Variants in UBR3 observed in about 807,000 individuals in gnomAD.
The protein encoded by UBR3 is ubiquitin protein ligase E3 component n-recognin 3.
Under a neutral mutation model 243.2 loss-of-function variants are expected in UBR3, and 85 were observed. The ratio of observed to expected loss-of-function variants is 0.35; its 90% CI spans 0.29 to 0.42. The LOEUF (loss-of-function observed/expected upper bound fraction) is 0.42, where lower values mean the gene tolerates loss of function less well. Ranked by LOEUF, UBR3 falls within the 10% of genes least tolerant of loss-of-function variation. The pLI is 1.00. For missense variants in UBR3, 1,686 were observed against 2,300.8 expected (o/e 0.73, Z 5.47); for synonymous variants, 748 against 799.8 (o/e 0.94, Z 1.09).
intron 35 of UBR3, among the ~76,000 whole-genome samples, chr2:170,067,485 G>T (rs1270922195): frequency 6.6e-6 from 1 of 152,066 alleles, no homozygotes; most frequent in African/African-American, 2.4e-5. Flanking sequence ...TAGGATAAAA[G>T]AGACCTGAAC....
intron 31 of UBR3, among the ~76,000 whole-genome samples, chr2:170,033,184 G>C (rs1283081151): frequency 6.6e-6 from 1 of 151,972 alleles, no homozygotes; most frequent in Non-Finnish European, 1.5e-5. Context: ...TACAGACATA[G>C]ATATTATGCT....
chr2:169,932,400 T>G (rs1477686203), intron 18 of UBR3, among the ~76,000 whole-genome samples: 1 of 152,078 alleles, frequency 6.6e-6, no homozygotes, highest in Non-Finnish European at 1.5e-5. Flanking sequence ...AAATCTAGTT[T>G]TCATGTTTTT....
chr2:169,969,937 CTT>C (rs34413545), intron 24 of UBR3, among the ~76,000 whole-genome samples: 26,535 of 90,390 alleles, frequency 0.29, 3,060 homozygotes, highest in African/African-American at 0.35. Context: ...ATGCCTCCAG[CTT>C]TTTTTTTTTT....
chr2:170,023,432 C>T (rs1188616305), intron 30 of UBR3, among the ~76,000 whole-genome samples: 9 of 149,872 alleles, frequency 6.0e-5, no homozygotes, highest in East Asian at 3.9e-4. Flanking sequence ...TTTTTTGAGA[C>T]GGAGTCTCAC....
At chr2:169,866,076 G>A (rs1224131065) in intron 1 of UBR3, among the ~76,000 whole-genome samples, 5 of 148,602 alleles carry the variant, frequency 3.4e-5, no homozygotes, top group African/African-American at 1.2e-4. Context: ...GCTTGAACCC[G>A]GGAGGCGGAG....
At chr2:169,875,748 A>G (rs2083583188) in intron 2 of UBR3, 43 bp from the exon 3 acceptor site, 5 of 1,446,998 alleles carry the variant, frequency 3.5e-6, no homozygotes, top group Middle Eastern at 2.0e-4. Context: ...GATATTTTAA[A>G]CAAAATTACC....
At chr2:169,865,560 A>G (rs17554191) in intron 1 of UBR3, among the ~76,000 whole-genome samples, 17,369 of 152,106 alleles carry the variant, frequency 0.11, 1,219 homozygotes, top group Admixed American at 0.19. Flanking sequence ...ACTCTGTTCA[A>G]ATTTTTCTTT....
chr2:169,918,307 C>CTTT (rs35089044), intron 11 of UBR3, among the ~76,000 whole-genome samples: 21,218 of 141,512 alleles, frequency 0.15, 2,041 homozygotes, highest in Non-Finnish European at 0.22. Context: ...TATATTTTTA[C>CTTT]TTTTTTTTTT....
intron 30 of UBR3, among the ~76,000 whole-genome samples, chr2:170,025,744 A>G (rs2090511685): frequency 6.6e-6 from 1 of 152,186 alleles, no homozygotes; most frequent in Admixed American, 6.6e-5. Flanking sequence ...TAAGAGGCAG[A>G]ACCAATGGGA....
rs572590738 is a variant in UBR3, at chr2:170,080,549, C to G, written c.5414C>G (p.Ser1805Cys). 1.2e-6 allele frequency: 2 copies of G among 1,609,630 alleles called. No homozygotes were observed. Among genetic ancestry groups the G allele is most frequent in the South Asian group, 2.2e-5 (2 of 90,032 alleles). ...QQSYCECVLH[S>C]QNCGAGTGIF... Reference sequence around the variant, plus strand: ...AATATATTTTTAATTTTTTAGCACTCTCAGAACTGTGGTGCAGGAACAGGT... The same window carrying G: ...AATATATTTTTAATTTTTTAGCACTGTCAGAACTGTGGTGCAGGAACAGGT... Residue 1805 changes from serine to cysteine, a missense_variant, in exon 38 of 39, where the codon TCT becomes TGT. Coordinates refer to ENST00000272793, the MANE Select transcript of UBR3 (RefSeq NM_172070.4).
At chr2:169,898,439 A>C (rs527248973) in intron 8 of UBR3, among the ~76,000 whole-genome samples, 2 of 152,112 alleles carry the variant, frequency 1.3e-5, no homozygotes, top group African/African-American at 4.8e-5. Context: ...ATATCACTTA[A>C]CCATCAATAA....
chr2:169,981,767 A>G lies in UBR3; in HGVS notation c.3635-4878A>G, dbSNP rs532622222. Among the ~76,000 whole-genome samples, 316 of 151,916 alleles carry G rather than the reference A, an allele frequency of 2.1e-3. 1 individual carries two copies. The highest frequency in any genetic ancestry group is 7.2e-3 in the African/African-American group (296 of 41,282). ...AGTTTAAGATGAAACTGTGGGGGGGAGGGTACATGTAGTATCTGCAAATCT... is the reference window on the plus strand; with the variant it reads ...AGTTTAAGATGAAACTGTGGGGGGGGGGGTACATGTAGTATCTGCAAATCT... On this transcript the variant is annotated intron_variant, in intron 24 of 38. Transcript: ENST00000272793.
chr2:169,999,796 A>G (rs2089627006), intron 26 of UBR3, among the ~76,000 whole-genome samples: 1 of 150,836 alleles, frequency 6.6e-6, no homozygotes, highest in South Asian at 2.1e-4. Context: ...GAAGATGTAA[A>G]AGAGAAAGGA....
intron 8 of UBR3, among the ~76,000 whole-genome samples, chr2:169,904,182 C>T (rs1307854048): frequency 6.6e-6 from 1 of 151,966 alleles, no homozygotes; most frequent in Non-Finnish European, 1.5e-5. Flanking sequence ...GCATATGATT[C>T]AATTTCTGTA....
chr2:169,945,193 G>T (rs1242949284), intron 20 of UBR3, among the ~76,000 whole-genome samples: 5 of 151,750 alleles, frequency 3.3e-5, no homozygotes, highest in Non-Finnish European at 2.9e-5. Flanking sequence ...GCTAGGAGGG[G>T]CTCTATAATT....
At chr2:169,994,294 G>T (rs2089402432) in intron 25 of UBR3, 29 bp from the exon 26 acceptor site, 1 of 1,611,670 alleles carries the variant, frequency 6.2e-7, no homozygotes, top group Non-Finnish European at 8.5e-7. Context: ...GATTATTTTT[G>T]ATTAATGAGC....
intron 24 of UBR3, among the ~76,000 whole-genome samples, chr2:169,970,064 G>A (rs918384322): frequency 5.9e-5 from 9 of 151,274 alleles, no homozygotes; most frequent in Non-Finnish European, 1.2e-4. Context: ...TATTGATAGG[G>A]GATTGCATTG....
intron 35 of UBR3, among the ~76,000 whole-genome samples, chr2:170,070,471 A>G (rs1324531121): frequency 6.6e-6 from 1 of 152,140 alleles, no homozygotes; most frequent in Non-Finnish European, 1.5e-5. Context: ...GCATTGTACT[A>G]AATTTTCTAG....
chr2:169,985,292 G>A (rs531400738), intron 24 of UBR3, among the ~76,000 whole-genome samples: 78 of 145,572 alleles, frequency 5.4e-4, no homozygotes, highest in African/African-American at 1.7e-3. Flanking sequence ...GCAGTGGTGC[G>A]ATCTCGGCTA....
Sources: gnomAD v4.1 joint callset for allele counts (sites outside exome capture counted in the v4.1 genomes callset) on GRCh38, gnomAD v4.1.1 for gene constraint, MANE v1.5 for transcripts, NCBI Gene and HGNC (gene_info 2026-07-23, HGNC 2026-07-21) for gene names.